PCDHA7: variants seen among roughly 807,000 people sequenced by gnomAD.
PCDHA7 encodes the protein protocadherin alpha-7.
In PCDHA7, 37 loss-of-function variants were observed where a neutral mutation model predicts 57.2. The observed-to-expected ratio is 0.65, with a 90% CI of 0.50 to 0.85. The LOEUF (loss-of-function observed/expected upper bound fraction) is 0.85, where lower values mean the gene tolerates loss of function less well. Among genes scored for constraint, PCDHA7 ranks in the 40% least tolerant of loss-of-function variants. The probability of loss-of-function intolerance (pLI) is 0.00; values close to 1 mark genes in which losing one functional copy is unlikely to be tolerated. For missense variants in PCDHA7, 1,188 were observed against 1,241.8 expected (o/e 0.96, Z 0.65); for synonymous variants, 553 against 558.8 (o/e 0.99, Z 0.15).
intron 1 of PCDHA7, 139 bp from the exon 2 acceptor site, chr5:140,978,808 TAG>T: frequency 6.7e-7 from 1 of 1,496,146 alleles, no homozygotes; most frequent in Non-Finnish European, 8.9e-7. Flanking sequence ...GATATCATCA[TAG>T]AGTTACACAT....
intron 1 of PCDHA7, among the ~76,000 whole-genome samples, chr5:140,950,903 T>C (rs2094530592): frequency 6.6e-6 from 1 of 152,024 alleles, no homozygotes; most frequent in South Asian, 2.1e-4. Context: ...TTTATTTTAT[T>C]TTTATTTTAT....
intron 1 of PCDHA7, chr5:140,870,203 T>C (rs782746068): frequency 5.0e-6 from 8 of 1,613,986 alleles, no homozygotes; most frequent in Non-Finnish European, 5.1e-6. Flanking sequence ...CCCAGCACGG[T>C]CATTGCCCTG....
intron 1 of PCDHA7, among the ~76,000 whole-genome samples, chr5:140,971,657 G>A (rs961666289): frequency 1.3e-5 from 2 of 151,992 alleles, no homozygotes; most frequent in African/African-American, 4.8e-5. Flanking sequence ...AAGTAGATGG[G>A]AATTAGAGAG....
intron 1 of PCDHA7, chr5:140,860,578 G>T (rs1420299092): frequency 1.3e-5 from 2 of 152,134 alleles, no homozygotes; most frequent in Non-Finnish European, 2.9e-5. Flanking sequence ...ACACAAGAAG[G>T]TATAGGAAAG....
At chr5:141,001,303 A>G (rs2098006866) in intron 3 of PCDHA7, among the ~76,000 whole-genome samples, 2 of 152,182 alleles carry the variant, frequency 1.3e-5, no homozygotes, top group Admixed American at 1.3e-4. Context: ...GCCCAGAGAT[A>G]TGAAATAATT....
intron 1 of PCDHA7, among the ~76,000 whole-genome samples, chr5:140,964,843 T>C (rs1229980696): frequency 6.6e-6 from 1 of 152,162 alleles, no homozygotes; most frequent in African/African-American, 2.4e-5. Flanking sequence ...TCCTACTCTG[T>C]ACCCTTGAGG....
At chr5:140,936,571 C>G (rs2153629502) in intron 1 of PCDHA7, among the ~76,000 whole-genome samples, 1 of 152,342 alleles carries the variant, frequency 6.6e-6, no homozygotes, top group African/African-American at 2.4e-5. Flanking sequence ...ATATTTTCCA[C>G]TTGTAAATCC....
At chr5:140,917,598 G>A (rs2078274580) in intron 1 of PCDHA7, among the ~76,000 whole-genome samples, 1 of 152,174 alleles carries the variant, frequency 6.6e-6, no homozygotes, top group Non-Finnish European at 1.5e-5. Flanking sequence ...TGAAAGGAAG[G>A]GGTCCAGTTT....
At chr5:140,890,747 G>C (rs2062780711) in intron 1 of PCDHA7, among the ~76,000 whole-genome samples, 1 of 152,024 alleles carries the variant, frequency 6.6e-6, no homozygotes, top group African/African-American at 2.4e-5. Context: ...TACTATTTCT[G>C]TCATGCTTTA....
chr5:140,848,486 A>G lies in PCDHA7; in HGVS notation c.2355+11748A>G. On this transcript the variant is annotated intron_variant, in intron 1 of 3. Transcript: ENST00000525929. Reference sequence around the variant, plus strand: ...ATTTTCACTAATTAGAAGAAGACTGAGTATTTGAAATGTTATACTCAAGTC... The same window carrying G: ...ATTTTCACTAATTAGAAGAAGACTGGGTATTTGAAATGTTATACTCAAGTC... 1.3e-6 allele frequency: 2 copies of G among 1,572,848 alleles called. 1 individual carries two copies.
intron 1 of PCDHA7, chr5:140,876,095 T>G (rs781801828): frequency 6.2e-7 from 1 of 1,613,928 alleles, no homozygotes; most frequent in Admixed American, 1.7e-5. Context: ...ACGCCAAAAC[T>G]CAATTTATTG....
intron 1 of PCDHA7, chr5:140,877,051 G>C (rs1554169275): frequency 1.2e-6 from 2 of 1,612,752 alleles, no homozygotes; most frequent in Non-Finnish European, 1.7e-6. Context: ...AGACCACGAG[G>C]AGCTGGAGCT....
At chr5:140,882,041 A>G (rs1374444489) in intron 1 of PCDHA7, 9 of 677,522 alleles carry the variant, frequency 1.3e-5, no homozygotes, top group African/African-American at 1.3e-4. Context: ...ATGAAGACTG[A>G]GTCATACTTA....
chr5:140,946,886 C>G (rs1304455156), intron 1 of PCDHA7, among the ~76,000 whole-genome samples: 1 of 151,128 alleles, frequency 6.6e-6, no homozygotes, highest in African/African-American at 2.4e-5. Context: ...TACGAAGTTA[C>G]AATTAGATAG....
intron 1 of PCDHA7, among the ~76,000 whole-genome samples, chr5:140,959,117 G>A (rs2095468242): frequency 6.6e-6 from 1 of 152,174 alleles, no homozygotes; most frequent in South Asian, 2.1e-4. Flanking sequence ...CCGAAGGTGG[G>A]CGAGGTGAGC....
chr5:140,851,095 T>C, intron 1 of PCDHA7: 1 of 1,289,772 alleles, frequency 7.8e-7, no homozygotes, highest in East Asian at 2.7e-5. Context: ...TAAATAGATA[T>C]TTTTTGGGTG....
chr5:140,960,031 G>A (rs1331929817), intron 1 of PCDHA7, among the ~76,000 whole-genome samples: 4 of 152,220 alleles, frequency 2.6e-5, no homozygotes, highest in African/African-American at 7.2e-5. Flanking sequence ...TGTTAAGTCC[G>A]GCTGTTTATT....
intron 1 of PCDHA7, among the ~76,000 whole-genome samples, chr5:140,889,643 G>A (rs141216075): frequency 1.3e-4 from 20 of 152,024 alleles, no homozygotes; most frequent in African/African-American, 4.8e-4. Context: ...ATTTGTGTTT[G>A]CAGGAGATGT....
intron 1 of PCDHA7, among the ~76,000 whole-genome samples, chr5:140,940,583 G>A (rs1294741133): frequency 6.6e-6 from 1 of 151,990 alleles, no homozygotes; most frequent in East Asian, 1.9e-4. Flanking sequence ...AAAGTGTTGG[G>A]ATTTCAGGCA....
Sources: gnomAD v4.1 joint callset for allele counts (sites outside exome capture counted in the v4.1 genomes callset) on GRCh38, gnomAD v4.1.1 for gene constraint, MANE v1.5 for transcripts, NCBI Gene and HGNC (gene_info 2026-07-23, HGNC 2026-07-21) for gene names.